The following COL22A1 variants were observed in gnomAD, a reference collection of about 807,000 sequenced individuals.
COL22A1 encodes collagen alpha-1(XXII) chain.
Under a neutral mutation model 248.9 loss-of-function variants are expected in COL22A1, and 221 were observed. The ratio of observed to expected loss-of-function variants is 0.89; its 90% confidence interval spans 0.80 to 0.99. The LOEUF is 0.99. Ranked by LOEUF, COL22A1 falls within the 50% of genes least tolerant of loss-of-function variation. The pLI, the probability that COL22A1 is intolerant of heterozygous loss-of-function variation, is 0.00. For missense variants in COL22A1, 2,240 were observed against 2,179.0 expected, an observed-to-expected ratio of 1.03 and a Z score of -0.56; for synonymous variants, 891 against 793.4, an observed-to-expected ratio of 1.12 and a Z score of -2.07.
chr8:138,608,475 G>C (rs1026669752), intron 56 of COL22A1, among the ~76,000 whole-genome samples: 4 of 152,088 alleles, frequency 2.6e-5, no homozygotes, highest in African/African-American at 9.7e-5. Flanking sequence ...TTTAAAATAC[G>C]TAGATACTGA....
intron 39 of COL22A1, among the ~76,000 whole-genome samples, chr8:138,682,738 C>T (rs141398731): frequency 1.9e-3 from 291 of 152,272 alleles, no homozygotes; most frequent in Non-Finnish European, 3.1e-3. Flanking sequence ...CTCACCCTGT[C>T]GCCCATGCTG....
At chr8:138,629,579 C>G (rs548037493) in intron 50 of COL22A1, among the ~76,000 whole-genome samples, 1 of 152,216 alleles carries the variant, frequency 6.6e-6, no homozygotes, top group African/African-American at 2.4e-5. Context: ...ATTTTTCAGA[C>G]TCAACATCCG....
intron 5 of COL22A1, among the ~76,000 whole-genome samples, chr8:138,828,483 T>C (rs1819772549): frequency 6.6e-6 from 1 of 152,168 alleles, no homozygotes; most frequent in Non-Finnish European, 1.5e-5. Context: ...AAGTTTAGCT[T>C]ACTTTTTCAT....
At chr8:138,847,994 A>G (rs770927848) in intron 3 of COL22A1, among the ~76,000 whole-genome samples, 3 of 152,168 alleles carry the variant, frequency 2.0e-5, no homozygotes, top group South Asian at 2.1e-4. Context: ...GAAGTGGTGC[A>G]TTACTTCCTT....
chr8:138,802,430 G>A (rs1008343065), intron 11 of COL22A1, among the ~76,000 whole-genome samples: 1 of 151,938 alleles, frequency 6.6e-6, no homozygotes, highest in African/African-American at 2.4e-5. Context: ...GTTTTGGAGT[G>A]ATGTCTTGGA....
chr8:138,862,264 G>T (rs17678646), intron 3 of COL22A1, among the ~76,000 whole-genome samples: 1 of 151,990 alleles, frequency 6.6e-6, no homozygotes, highest in Non-Finnish European at 1.5e-5. Context: ...ACAAAACAAA[G>T]TCTTCAATGG....
At chr8:138,885,103 C>T (rs530242662) in intron 1 of COL22A1, among the ~76,000 whole-genome samples, 13 of 152,302 alleles carry the variant, frequency 8.5e-5, no homozygotes, top group African/African-American at 1.9e-4. Flanking sequence ...TCATCTGCTG[C>T]GGGAGCCCTG....
At chr8:138,761,494 G>A (rs886758979) in intron 17 of COL22A1, among the ~76,000 whole-genome samples, 2 of 151,842 alleles carry the variant, frequency 1.3e-5, no homozygotes, top group African/African-American at 4.8e-5. Context: ...AGATATTTGT[G>A]GGAGATGGAA....
intron 52 of COL22A1, among the ~76,000 whole-genome samples, chr8:138,623,260 T>TATATATATATATATATA (rs1564109173): frequency 3.8e-5 from 2 of 52,450 alleles, no homozygotes; most frequent in African/African-American, 1.4e-4. Flanking sequence ...ATATATATAT[T>TATATATATATATATATA]TATGTGTGTG....
chr8:138,902,735 T>TCTA (rs1554661302), intron 1 of COL22A1, among the ~76,000 whole-genome samples: 1,635 of 90,140 alleles, frequency 0.018, 33 homozygotes, highest in African/African-American at 0.067. Context: ...AATATATATA[T>TCTA]ATATACACAC....
At chr8:138,738,619 C>A (rs949836465) in intron 22 of COL22A1, among the ~76,000 whole-genome samples, 2 of 152,128 alleles carry the variant, frequency 1.3e-5, no homozygotes, top group African/African-American at 4.8e-5. Flanking sequence ...GACGAGTGTG[C>A]AAATCGAGGC....
At position 138,589,392 on chromosome 8, in the gene COL22A1, G is replaced by C. The variant is rs143281223; in HGVS notation, c.4742C>G (p.Pro1581Arg). 1.0e-5 allele frequency: 16 copies of C among 1,597,396 alleles called. No individual in the cohort carries two copies. The highest frequency in any genetic ancestry group is 1.4e-5 in the Non-Finnish European group (16 of 1,172,260). ...TGGTCCTGTCTCCCCTTGAGGGCCA[G>C]GGATCCCAGGAAGTCCATCTTTAGC... ...GYAKDGLPGIPGPQGETGPAG... is the reference protein window; with the variant it reads ...GYAKDGLPGIRGPQGETGPAG... Residue 1581 changes from proline to arginine, a missense_variant, in exon 65 of 65, where the codon CCT becomes CGT. Pro to Arg is a moderately radical substitution (Grantham distance 103). Coordinates refer to ENST00000303045, the MANE Select transcript of COL22A1 (RefSeq NM_152888.3).
chr8:138,799,124 T>G (rs1816796062), intron 11 of COL22A1, among the ~76,000 whole-genome samples: 1 of 152,204 alleles, frequency 6.6e-6, no homozygotes, highest in Non-Finnish European at 1.5e-5. Flanking sequence ...TCTATTTCAT[T>G]TATTATAATT....
intron 22 of COL22A1, among the ~76,000 whole-genome samples, chr8:138,751,221 T>C (rs1287960745): frequency 6.6e-6 from 1 of 152,220 alleles, no homozygotes; most frequent in Non-Finnish European, 1.5e-5. Context: ...TGTCTCTCTA[T>C]ATATGACTCC....
intron 40 of COL22A1, among the ~76,000 whole-genome samples, chr8:138,677,507 G>A (rs979616999): frequency 2.1e-5 from 2 of 93,496 alleles, no homozygotes; most frequent in African/African-American, 5.1e-5. Context: ...GGCCAAGGCC[G>A]AGCCACGCCT....
chr8:138,891,424 G>A (rs568101556), intron 1 of COL22A1, among the ~76,000 whole-genome samples: 2 of 152,288 alleles, frequency 1.3e-5, no homozygotes, highest in East Asian at 1.9e-4. Flanking sequence ...TCTGAAGGGC[G>A]CCAAAGCCCC....
At chr8:138,690,475 C>T (rs749035078) in intron 36 of COL22A1, among the ~76,000 whole-genome samples, 16 of 152,124 alleles carry the variant, frequency 1.1e-4, no homozygotes, top group African/African-American at 1.4e-4. Context: ...GAGCTGGATT[C>T]GAATCCAGGT....
chr8:138,858,659 G>A (rs937105178), intron 3 of COL22A1, among the ~76,000 whole-genome samples: 6 of 152,184 alleles, frequency 3.9e-5, no homozygotes, highest in Admixed American at 3.9e-4. Flanking sequence ...CAGAGAGGAG[G>A]AGCTGAAGAT....
In COL22A1 at chr8:138,613,862, C is replaced by T. The variant is rs745601117; in HGVS notation, c.3978+5G>A. ...GAAGCACATTAGTCGCAAAGCAAAA[C>T]TCACCGGTGGGCCCCTTGGTCCTTG... On this transcript the variant is annotated splice_donor_5th_base_variant and intron_variant, in intron 56 of 64. Coordinates refer to ENST00000303045, the MANE Select transcript of COL22A1 (RefSeq NM_152888.3). 1.9e-6 allele frequency: 3 copies of T among 1,613,654 alleles called. No individual in the cohort carries two copies. In the South Asian group the frequency reaches 3.3e-5, roughly 18 times the overall value.
Sources: allele counts gnomAD v4.1 joint callset (sites outside exome capture counted in the v4.1 genomes callset), GRCh38; gene constraint gnomAD v4.1.1; transcripts MANE v1.5; gene names NCBI Gene and HGNC (gene_info 2026-07-23, HGNC 2026-07-21).